TBC1D22A: variants seen among roughly 807,000 people sequenced by gnomAD.
TBC1D22A encodes TBC1 domain family member 22A.
Under a neutral mutation model 60.2 loss-of-function variants are expected in TBC1D22A, and 38 were observed. That is an observed-to-expected ratio of 0.63 (90% CI 0.49 to 0.83). The LOEUF (loss-of-function observed/expected upper bound fraction) is 0.83. Ranked by LOEUF, TBC1D22A falls within the 40% of genes least tolerant of loss-of-function variation. The pLI, the probability that TBC1D22A is intolerant of heterozygous loss-of-function variation, is 0.00. For synonymous variants in TBC1D22A, 302 were observed against 281.7 expected (o/e 1.07, Z -0.72); for missense variants, 628 against 701.0 (o/e 0.90, Z 1.18).
intron 11 of TBC1D22A, among the ~76,000 whole-genome samples, chr22:47,050,925 C>T (rs2063190600): frequency 6.6e-6 from 1 of 152,096 alleles, no homozygotes; most frequent in Admixed American, 6.5e-5. Context: ...AGGAGGGCGG[C>T]CACACCAATG....
intron 8 of TBC1D22A, among the ~76,000 whole-genome samples, chr22:46,941,118 C>G (rs1569247056): frequency 1.2e-5 from 1 of 82,128 alleles, no homozygotes; most frequent in East Asian, 2.9e-4. Context: ...TACACACACA[C>G]ACACACACAC....
At position 47,001,318 on chromosome 22, in the gene TBC1D22A, T is replaced by A. The variant is rs76980926; in HGVS notation, c.1201+3609T>A. 2.2e-3 allele frequency among the ~76,000 whole-genome samples: 279 copies of A among 127,186 alleles called. 3 individuals are homozygous for A. Among genetic ancestry groups the A allele is most frequent in the African/African-American group, 1.8e-3 (60 of 33,264 alleles). The allele number at this position is 127,186 out of a possible 152,430, so 83.4% of individuals were successfully genotyped here. ...TTCTTTCTTTTTTTTTTTTTTTTTTTAATAACTCCAAACACCTTTTTCAAA... is the reference window on the plus strand; with the variant it reads ...TTCTTTCTTTTTTTTTTTTTTTTTTAAATAACTCCAAACACCTTTTTCAAA... On this transcript the variant is annotated intron_variant, in intron 10 of 12. Coordinates refer to ENST00000337137, the MANE Select transcript of TBC1D22A (RefSeq NM_014346.5).
chr22:46,883,573 A>G (rs2067958179), intron 5 of TBC1D22A, among the ~76,000 whole-genome samples: 3 of 152,168 alleles, frequency 2.0e-5, no homozygotes, highest in South Asian at 4.1e-4. Context: ...AAGTTAATTT[A>G]CATTTTGGGG....
At position 46,904,138 on chromosome 22, in the gene TBC1D22A, TCTATCTACCTAC is replaced by T. The variant is rs1408145068; in HGVS notation, c.901-7932_901-7921del. On this transcript the variant is annotated intron_variant, in intron 7 of 12. Transcript: ENST00000337137. Reference sequence around the variant, plus strand: ...ATCTATCTATCTATCTATCTATCTATCTATCTACCTACCTACCTACCTACCTACCTACCTACC... The same window carrying T: ...ATCTATCTATCTATCTATCTATCTATCTACCTACCTACCTACCTACCTACC... Among the ~76,000 whole-genome samples the T allele has an allele frequency of 9.1e-3, 502 of 55,280 alleles. 2 individuals carry two copies. Among genetic ancestry groups the T allele is most frequent in the African/African-American group, 0.019 (283 of 14,998 alleles). 36.3% of individuals were successfully genotyped at this position (55,280 alleles called of 152,430 possible). A position where few individuals can be genotyped will look rare whatever the true frequency, so the allele number is the denominator to read the frequency against.
intron 12 of TBC1D22A, among the ~76,000 whole-genome samples, chr22:47,145,435 T>C (rs2067252997): frequency 6.6e-6 from 1 of 152,210 alleles, no homozygotes; most frequent in Non-Finnish European, 1.5e-5. Flanking sequence ...CTTAGGACTG[T>C]CATCACAGGT....
chr22:46,877,073 CT>C (rs2067602453), intron 4 of TBC1D22A, among the ~76,000 whole-genome samples: 2 of 152,170 alleles, frequency 1.3e-5, no homozygotes, highest in African/African-American at 4.8e-5. Context: ...TTTGTCTGTG[CT>C]ACAAAAGTCT....
At chr22:46,975,356 GTGAATTTTGC>G (rs1428332780) in intron 9 of TBC1D22A, among the ~76,000 whole-genome samples, 1 of 152,176 alleles carries the variant, frequency 6.6e-6, no homozygotes, top group African/African-American at 2.4e-5. Flanking sequence ...ACAGGGGACA[GTGAATTTTGC>G]TGACAGAGCA....
At chr22:46,803,257 G>A (rs551408260) in intron 4 of TBC1D22A, among the ~76,000 whole-genome samples, 64 of 152,158 alleles carry the variant, frequency 4.2e-4, no homozygotes, top group Non-Finnish European at 5.0e-4. Context: ...TTAAACAGGC[G>A]GCTGCCCTCC....
intron 8 of TBC1D22A, among the ~76,000 whole-genome samples, chr22:46,969,299 T>C (rs1243518177): frequency 6.6e-6 from 1 of 152,148 alleles, no homozygotes; most frequent in East Asian, 1.9e-4. Context: ...ATAGTGCAAA[T>C]TTCCCGCCCC....
chr22:46,980,888 C>T lies in TBC1D22A; in HGVS notation c.1125+6489C>T, dbSNP rs188380669. On this transcript the variant is annotated intron_variant, in intron 9 of 12. Transcript: ENST00000337137. ...AAAGTCTCATAGGAAAGAAGAAAGGCCAGAAAAAAGTAGAATAATGTGTCT... is the reference window on the plus strand; with the variant it reads ...AAAGTCTCATAGGAAAGAAGAAAGGTCAGAAAAAAGTAGAATAATGTGTCT... Among the ~76,000 whole-genome samples the T allele has an allele frequency of 7.2e-5, 11 of 152,030 alleles. No individual in the cohort carries two copies. The East Asian group carries it at 2.1e-3, about 29-fold the overall frequency.
chr22:46,974,625 A>C (rs2074219247), intron 9 of TBC1D22A, among the ~76,000 whole-genome samples: 1 of 152,192 alleles, frequency 6.6e-6, no homozygotes, highest in Admixed American at 6.5e-5. Flanking sequence ...CTGAGGGCCC[A>C]GTGGGAAGGC....
chr22:47,130,216 TAC>T (rs2066632923), intron 12 of TBC1D22A, among the ~76,000 whole-genome samples: 1 of 152,196 alleles, frequency 6.6e-6, no homozygotes, highest in African/African-American at 2.4e-5. Flanking sequence ...CCAGACAGGT[TAC>T]CGGAGCGGGC....
intron 10 of TBC1D22A, among the ~76,000 whole-genome samples, chr22:47,007,347 G>A (rs2148284371): frequency 6.6e-6 from 1 of 152,314 alleles, no homozygotes; most frequent in South Asian, 2.1e-4. Context: ...GGTGGCCTGG[G>A]AACCACGCAG....
Position 46,891,302 on chromosome 22 carries a change from AC to A in TBC1D22A, c.746del (p.Thr249IlefsTer34). On this transcript the variant is annotated frameshift_variant, in exon 6 of 13. Transcript: ENST00000337137. LOFTEE classifies it high-confidence loss of function. ...LPANVDRRPA[T>X]LQRKQKEYFA... ...CGCCAATGTAGACCGGAGACCAGCC[AC>A]TCTCCAGAGAAAACAAAAAGAATAT... The A allele has an allele frequency of 6.2e-7, 1 of 1,612,706 alleles. No homozygotes were observed. The highest frequency in any genetic ancestry group is 1.3e-5 in the African/African-American group (1 of 74,880).
At chr22:47,010,341 CT>C (rs67289614) in intron 10 of TBC1D22A, among the ~76,000 whole-genome samples, 6,719 of 152,302 alleles carry the variant, frequency 0.044, 241 homozygotes, top group African/African-American at 0.091. Context: ...CTCCCTCCCC[CT>C]GGCTCTCGTC....
chr22:46,969,089 C>A (rs1450098464), intron 8 of TBC1D22A, among the ~76,000 whole-genome samples: 2 of 152,044 alleles, frequency 1.3e-5, no homozygotes, highest in African/African-American at 4.8e-5. Flanking sequence ...CCCCCAAATG[C>A]CCTGAAAGTT....
At chr22:46,944,803 TTTATCGTGATTACTCTTTTGCC>T (rs2072427228) in intron 8 of TBC1D22A, among the ~76,000 whole-genome samples, 1 of 152,232 alleles carries the variant, frequency 6.6e-6, no homozygotes, top group Non-Finnish European at 1.5e-5. Flanking sequence ...ATACTTTTAT[TTTATCGTGATTACTCTTTTGCC>T]TTTTTTGTTG....
intron 4 of TBC1D22A, among the ~76,000 whole-genome samples, chr22:46,864,055 T>A (rs2147374337): frequency 6.6e-6 from 1 of 152,302 alleles, no homozygotes; most frequent in Admixed American, 6.5e-5. Flanking sequence ...AGTGGAGCAT[T>A]TGTCCAGCAC....
chr22:47,136,460 T>C (rs2066876213), intron 12 of TBC1D22A, among the ~76,000 whole-genome samples: 1 of 152,192 alleles, frequency 6.6e-6, no homozygotes. Flanking sequence ...TGTCCTCAGT[T>C]TGTGTGTGAA....
Sources: allele counts gnomAD v4.1 joint callset (sites outside exome capture counted in the v4.1 genomes callset), GRCh38; gene constraint gnomAD v4.1.1; transcripts MANE v1.5; gene names NCBI Gene and HGNC (gene_info 2026-07-23, HGNC 2026-07-21).